Variants in DENND2C observed in about 807,000 individuals in gnomAD.
The protein encoded by DENND2C is DENN domain containing 2C.
DENND2C carries 72 observed loss-of-function variants against 112.4 expected under a neutral mutation model. That is an observed-to-expected ratio of 0.64 (90% CI 0.53 to 0.78). DENND2C has a LOEUF of 0.78. Ranked by LOEUF, DENND2C falls within the 30% of genes least tolerant of loss-of-function variation. The pLI is 0.00. For synonymous variants in DENND2C, 329 were observed against 381.6 expected (o/e 0.86, Z 1.61); for missense variants, 992 against 1,113.8 (o/e 0.89, Z 1.56).
chr1:114,602,053 G>T, intron 12 of DENND2C, 72 bp downstream of exon 12: 1 of 1,441,958 alleles, frequency 6.9e-7, no homozygotes, highest in African/African-American at 1.4e-5. Context: ...TAGAGATAGT[G>T]TTTCTGAAGT....
intron 16 of DENND2C, among the ~76,000 whole-genome samples, chr1:114,597,968 C>T (rs765212556): frequency 2.4e-4 from 36 of 152,154 alleles, no homozygotes; most frequent in Non-Finnish European, 4.3e-4. Flanking sequence ...AATTATACAA[C>T]TGATGATAAA....
chr1:114,611,352 G>C (rs901829998), intron 8 of DENND2C, among the ~76,000 whole-genome samples: 2 of 151,936 alleles, frequency 1.3e-5, no homozygotes, highest in Admixed American at 6.6e-5. Context: ...TTCACTCCTC[G>C]GCTCCCCTCT....
At chr1:114,630,308 A>C (rs1425016136) in intron 3 of DENND2C, among the ~76,000 whole-genome samples, 2 of 152,096 alleles carry the variant, frequency 1.3e-5, no homozygotes, top group Non-Finnish European at 2.9e-5. Context: ...TTCGTTCAAA[A>C]AAAAAAAGAA....
chr1:114,623,432 A>C, intron 5 of DENND2C, 75 bp downstream of exon 5: 1 of 1,441,846 alleles, frequency 6.9e-7, no homozygotes, highest in East Asian at 2.3e-5. Flanking sequence ...TTATAGAAGA[A>C]AATACCATCC....
intron 2 of DENND2C, among the ~76,000 whole-genome samples, chr1:114,646,077 C>T (rs1268485329): frequency 2.0e-5 from 3 of 152,060 alleles, no homozygotes; most frequent in African/African-American, 7.2e-5. Flanking sequence ...CAGGCGCCCG[C>T]CACCACACCC....
intron 10 of DENND2C, among the ~76,000 whole-genome samples, 179 bp from the exon 11 acceptor site, chr1:114,605,210 G>A (rs1655627711): frequency 6.6e-6 from 1 of 152,186 alleles, no homozygotes; most frequent in Non-Finnish European, 1.5e-5. Context: ...GGAAATCACT[G>A]AGGATGCACT....
At chr1:114,640,758 C>T (rs531773841) in intron 3 of DENND2C, among the ~76,000 whole-genome samples, 13 of 152,298 alleles carry the variant, frequency 8.5e-5, no homozygotes, top group Non-Finnish European at 1.6e-4. Context: ...CAAAGTCAGT[C>T]TCTGGAAAAA....
intron 3 of DENND2C, among the ~76,000 whole-genome samples, chr1:114,633,641 A>G (rs969507764): frequency 6.6e-6 from 1 of 152,042 alleles, no homozygotes; most frequent in African/African-American, 2.4e-5. Flanking sequence ...GTCAACAAAG[A>G]AAGATGAAAT....
chr1:114,667,859 T>TC (rs747261804), intron 1 of DENND2C, among the ~76,000 whole-genome samples: 6 of 152,190 alleles, frequency 3.9e-5, no homozygotes, highest in Non-Finnish European at 8.8e-5. Flanking sequence ...TCTCTATGCC[T>TC]CTTAATGAGA....
rs1056869231 is a variant in DENND2C at position 114,625,561 on chromosome 1, T to C, written c.424A>G (p.Asn142Asp). ...CACAGTATTTGTGAGGTATAGAAGT[T>C]TCCTGGAGGTAATGAAGTCTCTGGA... ...LDPETSLPPG[N>D]FYTSQILWKK... The change falls in exon 4 of 21, where the codon AAC becomes GAC. Residue 142 changes from asparagine (N) to aspartate (D), a missense_variant. This residue lies in a region of DENND2C where 470 missense variants were observed against 472.7 expected (regional missense o/e 0.99). Coordinates refer to ENST00000393274, the MANE Select transcript of DENND2C (RefSeq NM_001256404.2). The C allele has an allele frequency of 3.7e-6, 6 of 1,614,050 alleles. No individual in the cohort carries two copies. Among genetic ancestry groups the C allele is most frequent in the Non-Finnish European group, 5.1e-6 (6 of 1,180,028 alleles).
chr1:114,591,994 C>T (rs1371780423), intron 18 of DENND2C, among the ~76,000 whole-genome samples: 1 of 152,040 alleles, frequency 6.6e-6, no homozygotes, highest in Non-Finnish European at 1.5e-5. Flanking sequence ...AAGCGATTCT[C>T]CTGCCTCAGC....
At chr1:114,610,988 A>G (rs1400092421) in intron 9 of DENND2C, 85 bp downstream of exon 9, 5 of 1,495,934 alleles carry the variant, frequency 3.3e-6, no homozygotes, top group Non-Finnish European at 4.6e-6. Flanking sequence ...TGTGGGAAAA[A>G]ACATGCTTAG....
chr1:114,645,139 G>T (rs1656943577), intron 3 of DENND2C, among the ~76,000 whole-genome samples: 1 of 152,106 alleles, frequency 6.6e-6, no homozygotes, highest in African/African-American at 2.4e-5. Flanking sequence ...CAAAGATTTA[G>T]TCCAAAACTC....
chr1:114,587,901 T>A lies in DENND2C; in HGVS notation c.2483A>T (p.Glu828Val). 6.2e-7 allele frequency: 1 copy of A among 1,613,806 alleles called. No homozygotes were observed. The highest frequency in any genetic ancestry group is 2.2e-5 in the East Asian group (1 of 44,854). Residue 828 changes from glutamate to valine, a missense_variant, in exon 19 of 21, where the codon GAG (glutamate) becomes GTG (valine). This residue lies in a region of DENND2C where 516 missense variants were observed against 623.6 expected (regional missense o/e 0.83). Transcript: ENST00000393274. ...VSEAFVRFFV[E>V]LVGHYSLNMT... ...GTTCAAAGAATAATGTCCTACCAAC[T>A]CCACAAAAAACCTGACAAATGCTTC...
intron 1 of DENND2C, among the ~76,000 whole-genome samples, chr1:114,655,883 A>ATATATATATAT (rs1557960847): frequency 0.079 from 9,903 of 125,312 alleles, 522 homozygotes; most frequent in Admixed American, 0.15. Flanking sequence ...TATATGTATA[A>ATATATATATAT]ATATATATAT....
In DENND2C at chr1:114,587,738, C is replaced by T. The variant is rs1330163834; in HGVS notation, c.2646G>A (p.Glu882=). 1.9e-6 allele frequency: 3 copies of T among 1,610,656 alleles called. No homozygotes were observed. Among genetic ancestry groups the T allele is most frequent in the Non-Finnish European group, 2.5e-6 (3 of 1,177,922 alleles). The part of the protein sequence containing the change: ...QMFAGFIQDR[E]LRKSGVKGLF... Reference sequence around the variant, plus strand: ...GACCTTTAACTCCACTTTTCCGAAGCTCTCGGTCCTGGATGAATCCTGCAA... The same window carrying T: ...GACCTTTAACTCCACTTTTCCGAAGTTCTCGGTCCTGGATGAATCCTGCAA... The change falls in exon 19 of 21, where the codon GAG becomes GAA. Residue 882 remains glutamate (E), a synonymous_variant. Transcript: ENST00000393274.
chr1:114,626,688 T>C (rs1190525991), intron 3 of DENND2C, among the ~76,000 whole-genome samples: 1 of 151,852 alleles, frequency 6.6e-6, no homozygotes, highest in East Asian at 1.9e-4. Flanking sequence ...GTTTTTGTAT[T>C]TTTCGTAGAG....
chr1:114,647,768 T>C (rs1657035836), intron 2 of DENND2C, among the ~76,000 whole-genome samples: 1 of 152,090 alleles, frequency 6.6e-6, no homozygotes, highest in African/African-American at 2.4e-5. Flanking sequence ...GTGTTTACAT[T>C]TGCCAGGCAC....
chr1:114,669,069 AAAC>A (rs1657720093), intron 1 of DENND2C, among the ~76,000 whole-genome samples: 1 of 152,248 alleles, frequency 6.6e-6, no homozygotes, highest in Admixed American at 6.5e-5. Context: ...GGAAAAGTTT[AAAC>A]AACTTATTTA....
Sources: allele counts gnomAD v4.1 joint callset (sites outside exome capture counted in the v4.1 genomes callset), GRCh38; gene constraint gnomAD v4.1.1; regional missense constraint gnomAD v4.1.1; transcripts MANE v1.5; gene names NCBI Gene and HGNC (gene_info 2026-07-23, HGNC 2026-07-21).